Variants in ATXN7L3 observed in about 807,000 individuals in gnomAD.
The protein encoded by ATXN7L3 is ataxin 7 like 3.
ATXN7L3 carries 6 observed loss-of-function variants against 50.0 expected under a neutral mutation model. That is an observed-to-expected ratio of 0.12 (90% confidence interval 0.07 to 0.24). The LOEUF (loss-of-function observed/expected upper bound fraction) is 0.24. Ranked by LOEUF, ATXN7L3 falls within the 10% of genes least tolerant of loss-of-function variation. ATXN7L3 has a pLI of 1.00. For missense variants in ATXN7L3, 322 were observed against 451.3 expected (o/e 0.71, Z 2.60); for synonymous variants, 198 against 165.8 (o/e 1.19, Z -1.49).
chr17:44,198,676 G>A (rs1169457371), intron 1 of ATXN7L3, among the ~76,000 whole-genome samples: 1 of 152,050 alleles, frequency 6.6e-6, no homozygotes, highest in African/African-American at 2.4e-5. Flanking sequence ...ACTCCACGAG[G>A]GGAGCAGAGC....
Position 44,195,412 on chromosome 17 carries a change from C to T in ATXN7L3, c.621+7G>A, listed in dbSNP as rs753224628. ...AGGGACCTTCTCTCTTGCTGGTCCT[C>T]CCTCACCGTGGTTAGCAGGCTGCGA... On this transcript the variant is annotated splice_region_variant and intron_variant, in intron 9 of 12. Coordinates refer to ENST00000587097, the MANE Select transcript of ATXN7L3 (RefSeq NM_001382309.1). 2 of 1,613,664 alleles carry T rather than the reference C, an allele frequency of 1.2e-6. No individual in the cohort carries two copies. Among genetic ancestry groups the T allele is most frequent in the Non-Finnish European group, 1.7e-6 (2 of 1,179,620 alleles).
rs578053461 is a variant in ATXN7L3, at chr17:44,192,755, T to C, written c.*1508A>G. The C allele has an allele frequency of 2.0e-5, 3 of 152,236 alleles. No homozygotes were observed. Among genetic ancestry groups the C allele is most frequent in the East Asian group, 1.9e-4 (1 of 5,160 alleles). The allele number at this position is 152,236 out of a possible 1,614,324, so 9.4% of individuals were successfully genotyped here. On this transcript the variant is annotated 3_prime_UTR_variant, in exon 13 of 13. Coordinates refer to ENST00000587097, the MANE Select transcript of ATXN7L3 (RefSeq NM_001382309.1). The stretch of plus-strand genomic sequence containing the variant: ...GGAGAGCGGAGTTCCAGACAGGGCA[T>C]TGCAGCCCCATCTCTGTTGTTCCCT...
chr17:44,198,458 C>T lies in ATXN7L3; in HGVS notation c.-60-328G>A, dbSNP rs371454478. 39 of 203,242 alleles carry T rather than the reference C, an allele frequency of 1.9e-4. 1 individual carries two copies. In the South Asian group the frequency reaches 4.5e-3, roughly 24 times the overall value. The allele number at this position is 203,242 out of a possible 1,614,324, so 12.6% of individuals were successfully genotyped here. A position where few individuals can be genotyped will look rare whatever the true frequency, so the allele number is the denominator to read the frequency against. ...GCAGCAGGGGGAGGAGAAGGAACTCCAAGGCCTCAAAGCAAACCCACAGGG... is the reference window on the plus strand; with the variant it reads ...GCAGCAGGGGGAGGAGAAGGAACTCTAAGGCCTCAAAGCAAACCCACAGGG... On this transcript the variant is annotated intron_variant, in intron 1 of 12. Coordinates refer to ENST00000587097, the MANE Select transcript of ATXN7L3 (RefSeq NM_001382309.1).
At chr17:44,195,220 TA>T (rs1172548443) in intron 9 of ATXN7L3, 80 bp from the exon 10 acceptor site, 2 of 1,504,974 alleles carry the variant, frequency 1.3e-6, no homozygotes, top group African/African-American at 2.8e-5. Flanking sequence ...GTATAAATGC[TA>T]GATAGCACAA....
rs201454450 is a variant in ATXN7L3, at chr17:44,194,397, C to T, written c.910G>A (p.Glu304Lys). Residue 304 changes from glutamate (E) to lysine (K), a missense_variant, in exon 13 of 13, where the codon GAG (glutamate) becomes AAG (lysine). This residue lies in a region of ATXN7L3 where 122 missense variants were observed against 130.8 expected (regional missense o/e 0.93). Transcript: ENST00000587097. ...QGWGLGTNSSESRKTKKKKSH... is the reference protein window; with the variant it reads ...QGWGLGTNSSKSRKTKKKKSH... ...TTCTTTTTCTTGGTTTTCCGTGACT[C>T]AGAGCTGTTGGTACCTGTAGAGAAA... 18 of 1,614,186 alleles carry T rather than the reference C, an allele frequency of 1.1e-5. No individual in the cohort carries two copies. The highest frequency in any genetic ancestry group is 1.5e-5 in the Non-Finnish European group (18 of 1,180,024).
chr17:44,194,835 G>C lies in ATXN7L3; in HGVS notation c.670C>G (p.Leu224Val). ...EHTKKMCTRS[L>V]RCPQHTDEQR... is the part of the protein sequence containing the mutation. ...TCATCTGTGTGCTGTGGGCAGCGCAGGGACCTGGTGGTGAGGCAAGGCAGG... is the reference window on the plus strand; with the variant it reads ...TCATCTGTGTGCTGTGGGCAGCGCACGGACCTGGTGGTGAGGCAAGGCAGG... Residue 224 changes from leucine to valine, a missense_variant, in exon 11 of 13, where the codon CTG becomes GTG. Physicochemically the swap from Leu to Val is conservative, Grantham distance 32. Around this residue, in one of 5 missense-constraint regions of ATXN7L3, gnomAD observed 24 missense variants for 52.6 expected, o/e 0.46. Transcript: ENST00000587097. 1.2e-6 allele frequency: 2 copies of C among 1,614,118 alleles called. No homozygotes were observed. The highest frequency in any genetic ancestry group is 1.7e-6 in the Non-Finnish European group (2 of 1,179,986).
Position 44,195,787 on chromosome 17 carries a change from G to A in ATXN7L3, c.552+13C>T, listed in dbSNP as rs374168932. ...GACAATGAGAGCAAGCATGAGGGGCGGCCCATACTCACCTTAAAAGGATCC... is the reference window on the plus strand; with the variant it reads ...GACAATGAGAGCAAGCATGAGGGGCAGCCCATACTCACCTTAAAAGGATCC... On this transcript the variant is annotated intron_variant, in intron 8 of 12. Transcript: ENST00000587097. 59 of 1,600,834 alleles carry A rather than the reference G, an allele frequency of 3.7e-5. No individual in the cohort carries two copies. The African/African-American group carries it at 5.9e-4, about 16-fold the overall frequency.
At chr17:44,197,448 T>C (rs2055950619) in intron 3 of ATXN7L3, 49 bp from the exon 4 acceptor site, 1 of 1,572,126 alleles carries the variant, frequency 6.4e-7, no homozygotes, top group African/African-American at 1.3e-5. Context: ...CCCTCTCCTC[T>C]TGTTCCCACC....
In ATXN7L3 at chr17:44,197,406, A is replaced by T. The variant is rs1421995386; in HGVS notation, c.185-7T>A. The T allele has an allele frequency of 6.3e-7, 1 of 1,589,516 alleles. No individual in the cohort carries two copies. Among genetic ancestry groups the T allele is most frequent in the Admixed American group, 1.7e-5 (1 of 58,618 alleles). ...CCCGGCTGGTCCACGATCTCTGGGG[A>T]CAGGAGAGGCTGGCGATCAGGGTGG... On this transcript the variant is annotated splice_polypyrimidine_tract_variant and splice_region_variant and intron_variant, in intron 3 of 12. Coordinates refer to ENST00000587097, the MANE Select transcript of ATXN7L3 (RefSeq NM_001382309.1).
At position 44,198,094 on chromosome 17, in the gene ATXN7L3, GCT is replaced by G; in HGVS notation, c.-26_-25del. ...ATTTGTAAACTCTTGTGGAGACGGC[GCT>G]CTGACTGCTCATAGCACAGCGGGCG... On this transcript the variant is annotated 5_prime_UTR_variant, in exon 2 of 13. Transcript: ENST00000587097. The G allele has an allele frequency of 6.2e-7, 1 of 1,612,042 alleles. No individual in the cohort carries two copies. The highest frequency in any genetic ancestry group is 8.5e-7 in the Non-Finnish European group (1 of 1,178,384).
rs979019986 is a variant in ATXN7L3, at chr17:44,199,638, G to C, written c.-203C>G. Reference sequence around the variant, plus strand: ...CGGGGCCCAGGGCCCGGGGCCGGGGGGTCGGGCCGCCCCCCCGCCTGGCCG... The same window carrying C: ...CGGGGCCCAGGGCCCGGGGCCGGGGCGTCGGGCCGCCCCCCCGCCTGGCCG... On this transcript the variant is annotated 5_prime_UTR_variant, in exon 1 of 13. Coordinates refer to ENST00000587097, the MANE Select transcript of ATXN7L3 (RefSeq NM_001382309.1). 1.4e-5 allele frequency: 2 copies of C among 145,484 alleles called. No individual in the cohort carries two copies. Among genetic ancestry groups the C allele is most frequent in the Non-Finnish European group, 3.1e-5 (2 of 65,204 alleles). 9.0% of individuals were successfully genotyped at this position (145,484 alleles called of 1,614,324 possible).
At chr17:44,195,629 T>C in intron 8 of ATXN7L3, 142 bp from the exon 9 acceptor site, 1 of 1,198,648 alleles carries the variant, frequency 8.3e-7, no homozygotes, top group South Asian at 1.3e-5. Context: ...ATTTCTCTCA[T>C]CCCATCTGCC....
rs2055859182 is a variant in ATXN7L3 at position 44,195,653 on chromosome 17, T to A, written c.552+147A>T. Reference sequence around the variant, plus strand: ...ATCCCATCTGCCAATGGATAAGGGGTGGGACTCAGAAAGAACATAAATATG... The same window carrying A: ...ATCCCATCTGCCAATGGATAAGGGGAGGGACTCAGAAAGAACATAAATATG... On this transcript the variant is annotated intron_variant, in intron 8 of 12. Coordinates refer to ENST00000587097, the MANE Select transcript of ATXN7L3 (RefSeq NM_001382309.1). The A allele has an allele frequency of 1.4e-5, 16 of 1,176,948 alleles. No homozygotes were observed. In the Middle Eastern group the frequency reaches 9.5e-4, roughly 70 times the overall value. 72.9% of individuals were successfully genotyped at this position (1,176,948 alleles called of 1,614,324 possible).
intron 9 of ATXN7L3, 99 bp from the exon 10 acceptor site, chr17:44,195,239 T>C: frequency 1.4e-6 from 2 of 1,437,494 alleles, no homozygotes; most frequent in South Asian, 1.2e-5. Flanking sequence ...CAAGCAGAGA[T>C]GGCCCAAAGG....
Position 44,194,352 on chromosome 17 carries a change from C to T in ATXN7L3, c.955G>A (p.Gly319Arg), listed in dbSNP as rs1328798939. 3 of 1,614,128 alleles carry T rather than the reference C, an allele frequency of 1.9e-6. No homozygotes were observed. Among genetic ancestry groups the T allele is most frequent in the Admixed American group, 3.3e-5 (2 of 60,014 alleles). ...KKKKSHLSLV[G>R]TASGLGSNKK... ...TTGGAACCTAGGCCGGAGGCAGTCC[C>T]TACCAGGCTCAGATGGGATTTCTTT... The change falls in exon 13 of 13, where the codon GGG becomes AGG. Residue 319 changes from glycine (G) to arginine (R), a missense_variant. By Grantham distance (125) the Gly-to-Arg change is moderately radical (BLOSUM62 -2). Around this residue, in one of 5 missense-constraint regions of ATXN7L3, gnomAD observed 122 missense variants for 130.8 expected, o/e 0.93. Coordinates refer to ENST00000587097, the MANE Select transcript of ATXN7L3 (RefSeq NM_001382309.1).
At position 44,193,060 on chromosome 17, in the gene ATXN7L3, C is replaced by T. The variant is rs1452016333; in HGVS notation, c.*1203G>A. The stretch of plus-strand genomic sequence containing the variant: ...CAGGTGGGCACACTGGCATGACAGT[C>T]CCACAGAGGGGCAGTGACACCCCTT... On this transcript the variant is annotated 3_prime_UTR_variant, in exon 13 of 13. Transcript: ENST00000587097. 1 of 152,222 alleles carries T rather than the reference C, an allele frequency of 6.6e-6. No individual in the cohort carries two copies. The highest frequency in any genetic ancestry group is 1.5e-5 in the Non-Finnish European group (1 of 68,090). 9.4% of individuals were successfully genotyped at this position (152,222 alleles called of 1,614,324 possible).
Position 44,194,106 on chromosome 17 carries a change from C to T in ATXN7L3, c.*157G>A. ...TGCTCCATTGCAGAGGACTTTGACA[C>T]CCCCCAGGGGCGCATAATCGGATCC... On this transcript the variant is annotated 3_prime_UTR_variant, in exon 13 of 13. Transcript: ENST00000587097. The T allele has an allele frequency of 1.0e-6, 1 of 953,544 alleles. No homozygotes were observed. The highest frequency in any genetic ancestry group is 1.6e-6 in the Non-Finnish European group (1 of 639,834). The allele number at this position is 953,544 out of a possible 1,614,324, so 59.1% of individuals were successfully genotyped here. A position where few individuals can be genotyped will look rare whatever the true frequency, so the allele number is the denominator to read the frequency against.
chr17:44,195,258 G>T, intron 9 of ATXN7L3, 118 bp from the exon 10 acceptor site: 1 of 1,363,178 alleles, frequency 7.3e-7, no homozygotes, highest in Non-Finnish European at 1.0e-6. Flanking sequence ...GGTGTCCAGA[G>T]CAGATGGTCC....
intron 1 of ATXN7L3, chr17:44,199,097 C>G (rs1041636405): frequency 6.6e-6 from 1 of 152,126 alleles, no homozygotes; most frequent in Non-Finnish European, 1.5e-5. Context: ...CCGCCGGGGC[C>G]GGCGCCGGGC....
Sources: gnomAD v4.1 joint callset for allele counts (sites outside exome capture counted in the v4.1 genomes callset) on GRCh38, gnomAD v4.1.1 for gene constraint, gnomAD v4.1.1 regional missense constraint, MANE v1.5 for transcripts, NCBI Gene and HGNC (gene_info 2026-07-23, HGNC 2026-07-21) for gene names.